COL24A1: variants seen among roughly 807,000 people sequenced by gnomAD.
COL24A1 encodes collagen alpha-1(XXIV) chain.
COL24A1 carries 224 observed loss-of-function variants against 253.9 expected under a neutral mutation model. The observed-to-expected ratio is 0.88, with a 90% confidence interval of 0.79 to 0.99. COL24A1 has a LOEUF of 0.99. Ranked by LOEUF, COL24A1 falls within the 50% of genes least tolerant of loss-of-function variation. The probability of loss-of-function intolerance (pLI) is 0.00; values close to 1 mark genes in which losing one functional copy is unlikely to be tolerated. For missense variants in COL24A1, 2,131 were observed against 2,068.5 expected (o/e 1.03, Z -0.59); for synonymous variants, 685 against 673.7 (o/e 1.02, Z -0.26).
At position 86,113,863 on chromosome 1, in the gene COL24A1, A is replaced by G. The variant is rs868275249; in HGVS notation, c.1546-1243T>C. Among the ~76,000 whole-genome samples the G allele has an allele frequency of 6.9e-3, 988 of 142,428 alleles. 10 individuals are homozygous for G. Among genetic ancestry groups the G allele is most frequent in the African/African-American group, 0.024 (945 of 38,838 alleles). The allele number at this position is 142,428 out of a possible 152,430, so 93.4% of individuals were successfully genotyped here. On this transcript the variant is annotated intron_variant, in intron 4 of 59. Coordinates refer to ENST00000370571, the MANE Select transcript of COL24A1 (RefSeq NM_152890.7). ...AAAAAAAAAAAAAAAAAAAAAAAAA[A>G]GAAAGAAAAAAATGGTTAGATGTTA...
intron 10 of COL24A1, among the ~76,000 whole-genome samples, chr1:86,050,719 T>C (rs535030963): frequency 1.3e-5 from 2 of 152,278 alleles, no homozygotes; most frequent in African/African-American, 2.4e-5. Context: ...ATTTTATACA[T>C]AATATACTTT....
At position 85,834,535 on chromosome 1, in the gene COL24A1, C is replaced by G. The variant is rs372497951; in HGVS notation, c.3681+4050G>C. On this transcript the variant is annotated intron_variant, in intron 43 of 59. Coordinates refer to ENST00000370571, the MANE Select transcript of COL24A1 (RefSeq NM_152890.7). ...GCTATTTAGATGTGTATGTCTGATGCTAAGGAGTGAAGGCCAAGTTGGGAT... is the reference window on the plus strand; with the variant it reads ...GCTATTTAGATGTGTATGTCTGATGGTAAGGAGTGAAGGCCAAGTTGGGAT... Among the ~76,000 whole-genome samples, 101 of 152,224 alleles carry G rather than the reference C, an allele frequency of 6.6e-4. 1 individual carries two copies. The South Asian group carries it at 0.02, about 30-fold the overall frequency.
intron 24 of COL24A1, among the ~76,000 whole-genome samples, chr1:85,935,449 T>A (rs752407361): frequency 6.8e-6 from 1 of 147,676 alleles, no homozygotes; most frequent in Non-Finnish European, 1.5e-5. Context: ...TATAAATACA[T>A]CACTGTTTCC....
At chr1:85,804,473 T>C (rs1317678898) in intron 47 of COL24A1, among the ~76,000 whole-genome samples, 10 of 152,162 alleles carry the variant, frequency 6.6e-5, no homozygotes. Context: ...TAGTCCATTT[T>C]CACGCTGCTG....
intron 33 of COL24A1, among the ~76,000 whole-genome samples, chr1:85,875,965 C>G (rs148252235): frequency 5.5e-4 from 83 of 152,146 alleles, no homozygotes; most frequent in African/African-American, 1.8e-3. Flanking sequence ...ATGTGTGCCC[C>G]TCCCTTCCCT....
intron 7 of COL24A1, among the ~76,000 whole-genome samples, chr1:86,074,907 AGAGGGAAAT>A (rs1702138333): frequency 1.3e-5 from 2 of 152,224 alleles, no homozygotes; most frequent in Non-Finnish European, 2.9e-5. Context: ...AGCAGTGTTT[AGAGGGAAAT>A]TTATAGCACT....
intron 46 of COL24A1, 152 bp from the exon 47 acceptor site, chr1:85,817,047 T>C: frequency 1.6e-6 from 1 of 611,232 alleles, no homozygotes; most frequent in Non-Finnish European, 2.8e-6. Context: ...AATGATTTAC[T>C]ATTTGGATTC....
intron 10 of COL24A1, among the ~76,000 whole-genome samples, chr1:86,052,058 C>A (rs546764887): frequency 6.6e-6 from 1 of 152,002 alleles, no homozygotes; most frequent in Non-Finnish European, 1.5e-5. Context: ...TATCACTGAT[C>A]AGACAGAGGG....
At chr1:86,073,442 G>A (rs1702011522) in intron 7 of COL24A1, among the ~76,000 whole-genome samples, 1 of 152,072 alleles carries the variant, frequency 6.6e-6, no homozygotes, top group African/African-American at 2.4e-5. Context: ...GAAAAGGAAT[G>A]AACAAAGCCT....
chr1:85,952,800 G>A (rs1277749500), intron 24 of COL24A1, among the ~76,000 whole-genome samples: 1 of 151,898 alleles, frequency 6.6e-6, no homozygotes, highest in African/African-American at 2.4e-5. Context: ...TATACTCCCT[G>A]GCCCTTTATA....
intron 22 of COL24A1, among the ~76,000 whole-genome samples, chr1:85,968,778 A>G (rs571775198): frequency 6.6e-6 from 1 of 152,278 alleles, no homozygotes; most frequent in East Asian, 1.9e-4. Flanking sequence ...TATTTACATT[A>G]TGGAAAGAAT....
chr1:86,141,723 C>T lies in COL24A1; in HGVS notation c.121+4396G>A, dbSNP rs1228186161. 2.0e-5 allele frequency among the ~76,000 whole-genome samples: 3 copies of T among 146,686 alleles called. No homozygotes were observed. The Admixed American group carries it at 2.1e-4, about 10-fold the overall frequency. On this transcript the variant is annotated intron_variant, in intron 2 of 59. Transcript: ENST00000370571. The stretch of plus-strand genomic sequence containing the variant: ...CTTACTTTTTTTTTTTTTTTTGAGA[C>T]AGAGTCTCACTCTGTCAGCCAGGCT...
chr1:85,844,369 T>A (rs970388329), intron 39 of COL24A1, among the ~76,000 whole-genome samples: 5 of 152,060 alleles, frequency 3.3e-5, no homozygotes, highest in Non-Finnish European at 7.4e-5. Flanking sequence ...AAGTAAATGA[T>A]GGTAAAAACA....
At chr1:85,749,069 CT>C (rs1665630787) in intron 55 of COL24A1, among the ~76,000 whole-genome samples, 3 of 7,590 alleles carry the variant, frequency 4.0e-4, no homozygotes, top group African/African-American at 5.8e-4. Context: ...TAGGCTCCAC[CT>C]TTGGGGGCAG....
intron 28 of COL24A1, among the ~76,000 whole-genome samples, chr1:85,898,587 C>T (rs534701694): frequency 6.6e-6 from 1 of 152,128 alleles, no homozygotes; most frequent in Non-Finnish European, 1.5e-5. Context: ...CCTTGAAGAT[C>T]AAGTTGAGGA....
intron 47 of COL24A1, among the ~76,000 whole-genome samples, chr1:85,808,322 G>T (rs1322228547): frequency 6.6e-6 from 1 of 152,186 alleles, no homozygotes; most frequent in African/African-American, 2.4e-5. Flanking sequence ...GAAGAAAGTG[G>T]TAGTGTATTA....
intron 53 of COL24A1, among the ~76,000 whole-genome samples, chr1:85,766,872 G>A (rs577492734): frequency 1.7e-4 from 26 of 152,238 alleles, no homozygotes; most frequent in African/African-American, 6.3e-4. Context: ...TTGGGAGGCT[G>A]AGGCGGGCAG....
intron 19 of COL24A1, 54 bp downstream of exon 19, chr1:86,017,097 G>T: frequency 6.8e-7 from 1 of 1,473,592 alleles, no homozygotes; most frequent in Non-Finnish European, 9.3e-7. Context: ...TATCAAACAA[G>T]TTTAATTTCC....
At chr1:85,788,257 A>T (rs897370165) in intron 47 of COL24A1, among the ~76,000 whole-genome samples, 1 of 151,812 alleles carries the variant, frequency 6.6e-6, no homozygotes, top group African/African-American at 2.4e-5. Flanking sequence ...CATCCAGCTA[A>T]TTTTTTTGTA....
Sources: gnomAD v4.1 joint callset for allele counts (sites outside exome capture counted in the v4.1 genomes callset) on GRCh38, gnomAD v4.1.1 for gene constraint, MANE v1.5 for transcripts, NCBI Gene and HGNC (gene_info 2026-07-23, HGNC 2026-07-21) for gene names.